Variants in TBL1XR1 observed in about 807,000 individuals in gnomAD.
TBL1XR1 encodes the protein F-box-like/WD repeat-containing protein TBL1XR1.
A neutral mutation model predicts 66.9 loss-of-function variants in TBL1XR1; 5 were observed. The ratio of observed to expected loss-of-function variants is 0.07; its 90% CI spans 0.04 to 0.16. The LOEUF (loss-of-function observed/expected upper bound fraction) is 0.16. Among genes scored for constraint, TBL1XR1 ranks in the 10% least tolerant of loss-of-function variants. The pLI is 1.00. For missense variants in TBL1XR1, 238 were observed against 623.2 expected (o/e 0.38, Z 6.58); for synonymous variants, 210 against 206.0 (o/e 1.02, Z -0.17).
At chr3:177,061,232 G>A (rs1000446174) in intron 3 of TBL1XR1, among the ~76,000 whole-genome samples, 4 of 152,086 alleles carry the variant, frequency 2.6e-5, no homozygotes, top group Non-Finnish European at 1.5e-5. Context: ...CCACAGCAAC[G>A]TATTTTATAG....
intron 2 of TBL1XR1, among the ~76,000 whole-genome samples, chr3:177,086,250 T>C (rs1418978220): frequency 6.6e-6 from 1 of 151,964 alleles, no homozygotes; most frequent in Non-Finnish European, 1.5e-5. Context: ...TAATCAATAG[T>C]TTAAAATTGA....
intron 3 of TBL1XR1, 126 bp from the exon 4 acceptor site, chr3:177,054,044 TCG>T (rs1717460749): frequency 1.2e-6 from 1 of 843,666 alleles, no homozygotes; most frequent in Non-Finnish European, 1.7e-6. Flanking sequence ...CAGACGAAGG[TCG>T]TGTGTGTGTG....
At chr3:177,075,968 A>C (rs747243877) in intron 2 of TBL1XR1, among the ~76,000 whole-genome samples, 4 of 152,156 alleles carry the variant, frequency 2.6e-5, no homozygotes, top group African/African-American at 7.2e-5. Context: ...CTACCGGAAA[A>C]AAAACAAAAA....
At chr3:177,161,508 C>T (rs1224706773) in intron 1 of TBL1XR1, among the ~76,000 whole-genome samples, 4 of 152,136 alleles carry the variant, frequency 2.6e-5, no homozygotes, top group African/African-American at 7.2e-5. Context: ...ATTGGCCAGG[C>T]GCGGTGGCTC....
chr3:177,086,623 T>A (rs960508614), intron 2 of TBL1XR1, among the ~76,000 whole-genome samples: 25 of 152,230 alleles, frequency 1.6e-4, no homozygotes, highest in African/African-American at 6.0e-4. Flanking sequence ...AATTTTTTTT[T>A]AAGAAAAATA....
intron 13 of TBL1XR1, 138 bp downstream of exon 13, chr3:177,034,060 A>G: frequency 1.1e-6 from 1 of 938,544 alleles, no homozygotes; most frequent in East Asian, 2.6e-5. Flanking sequence ...AACCACCTAT[A>G]CACCAAAAAC....
intron 1 of TBL1XR1, among the ~76,000 whole-genome samples, chr3:177,185,720 G>GA: frequency 6.6e-6 from 1 of 151,690 alleles, no homozygotes; most frequent in East Asian, 1.9e-4. Context: ...ATATATAAAA[G>GA]AAGCATTGGC....
intron 2 of TBL1XR1, among the ~76,000 whole-genome samples, chr3:177,095,522 C>CA (rs1312213690): frequency 6.7e-6 from 1 of 149,316 alleles, no homozygotes; most frequent in Non-Finnish European, 1.5e-5. Context: ...GATGGTGTCT[C>CA]ACTTGTCACC....
chr3:177,084,099 A>G (rs1292763001), intron 2 of TBL1XR1, among the ~76,000 whole-genome samples: 1 of 148,686 alleles, frequency 6.7e-6, no homozygotes, highest in African/African-American at 2.5e-5. Context: ...AAAAAAAAAA[A>G]AAAGAAAAAA....
chr3:177,159,434 GA>G (rs1351356210), intron 1 of TBL1XR1, among the ~76,000 whole-genome samples: 1 of 151,952 alleles, frequency 6.6e-6, no homozygotes, highest in Non-Finnish European at 1.5e-5. Flanking sequence ...TTATTTAAAA[GA>G]AATACTATAG....
At chr3:177,121,177 C>T (rs1452804399) in intron 1 of TBL1XR1, among the ~76,000 whole-genome samples, 1 of 152,056 alleles carries the variant, frequency 6.6e-6, no homozygotes, top group Non-Finnish European at 1.5e-5. Context: ...CAAATCTTGT[C>T]CTCAGGAAAC....
At chr3:177,070,761 G>A (rs923339591) in intron 2 of TBL1XR1, among the ~76,000 whole-genome samples, 1 of 151,904 alleles carries the variant, frequency 6.6e-6, no homozygotes, top group Non-Finnish European at 1.5e-5. Context: ...TGGGAGAATC[G>A]CTTGAACCCA....
At chr3:177,140,307 G>A (rs974268400) in intron 1 of TBL1XR1, among the ~76,000 whole-genome samples, 2 of 151,972 alleles carry the variant, frequency 1.3e-5, no homozygotes, top group Non-Finnish European at 2.9e-5. Flanking sequence ...CTCAAAAAAA[G>A]AAAAAAGTAC....
At position 177,023,342 on chromosome 3, in the gene TBL1XR1, T is replaced by A. The variant is rs1331281110; in HGVS notation, c.*2156A>T. On this transcript the variant is annotated 3_prime_UTR_variant, in exon 16 of 16. Coordinates refer to ENST00000457928, the MANE Select transcript of TBL1XR1 (RefSeq NM_024665.7). The stretch of plus-strand genomic sequence containing the variant: ...AGATTTTTTTAATTTTTATTTATTT[T>A]TTTTAAACAATAACAGAGGTCAACC... 2.0e-5 allele frequency: 3 copies of A among 152,554 alleles called. No homozygotes were observed. The highest frequency in any genetic ancestry group is 4.8e-5 in the African/African-American group (2 of 41,442). 9.5% of individuals were successfully genotyped at this position (152,554 alleles called of 1,614,324 possible). A position where few individuals can be genotyped will look rare whatever the true frequency, so the allele number is the denominator to read the frequency against.
intron 1 of TBL1XR1, among the ~76,000 whole-genome samples, chr3:177,113,376 A>G (rs1318972902): frequency 6.6e-6 from 1 of 152,176 alleles, no homozygotes; most frequent in Non-Finnish European, 1.5e-5. Flanking sequence ...GACAAATGGG[A>G]TTACATAAAA....
chr3:177,177,766 CTATT>C (rs1223819586), intron 1 of TBL1XR1, among the ~76,000 whole-genome samples: 2 of 152,138 alleles, frequency 1.3e-5, no homozygotes, highest in Admixed American at 6.6e-5. Context: ...ATCCACTCAA[CTATT>C]TATTACGAAC....
At chr3:177,074,459 C>A (rs1326446285) in intron 2 of TBL1XR1, among the ~76,000 whole-genome samples, 2 of 152,198 alleles carry the variant, frequency 1.3e-5, no homozygotes, top group African/African-American at 2.4e-5. Flanking sequence ...GCACAGCTCT[C>A]CCTACGCTTC....
rs1314480277 is a variant in TBL1XR1, at chr3:177,021,550, A to C, written c.*3948T>G. On this transcript the variant is annotated 3_prime_UTR_variant, in exon 16 of 16. Coordinates refer to ENST00000457928, the MANE Select transcript of TBL1XR1 (RefSeq NM_024665.7). ...TCTTCTCTCTTCTACATTTAACTAG[A>C]ATCATGTTTAAAAAAAACTGATATT... is the stretch of plus-strand genomic sequence containing the variant. 2 of 152,578 alleles carry C rather than the reference A, an allele frequency of 1.3e-5. No individual in the cohort carries two copies. Among genetic ancestry groups the C allele is most frequent in the Non-Finnish European group, 2.9e-5 (2 of 67,992 alleles). The allele number at this position is 152,578 out of a possible 1,614,324, so 9.5% of individuals were successfully genotyped here. A position where few individuals can be genotyped will look rare whatever the true frequency, so the allele number is the denominator to read the frequency against.
chr3:177,135,495 T>A (rs1728892193), intron 1 of TBL1XR1, among the ~76,000 whole-genome samples: 1 of 150,146 alleles, frequency 6.7e-6, no homozygotes, highest in South Asian at 2.1e-4. Context: ...ACCATTCTCC[T>A]GCCTCAGCCT....
Sources: gnomAD v4.1 joint callset for allele counts (sites outside exome capture counted in the v4.1 genomes callset) on GRCh38, gnomAD v4.1.1 for gene constraint, MANE v1.5 for transcripts, NCBI Gene and HGNC (gene_info 2026-07-23, HGNC 2026-07-21) for gene names.